Variants in RFTN1 observed in about 807,000 individuals in gnomAD.
RFTN1 encodes the protein raftlin, lipid raft linker 1, also known as raftlin.
Under a neutral mutation model 46.5 loss-of-function variants are expected in RFTN1, and 26 were observed. That is an observed-to-expected ratio of 0.56 (90% CI 0.41 to 0.78). The LOEUF (loss-of-function observed/expected upper bound fraction) is 0.78, where lower values mean the gene tolerates loss of function less well. Among genes scored for constraint, RFTN1 ranks in the 30% least tolerant of loss-of-function variants. The pLI is 0.00. For synonymous variants in RFTN1, 261 were observed against 284.2 expected (o/e 0.92, Z 0.82); for missense variants, 693 against 718.7 (o/e 0.96, Z 0.41).
Position 16,334,034 on chromosome 3 carries a change from G to A in RFTN1, c.1147-7158C>T, listed in dbSNP as rs374826372. 2.5e-4 allele frequency among the ~76,000 whole-genome samples: 38 copies of A among 152,128 alleles called. 2 individuals carry two copies. The highest frequency in any genetic ancestry group is 3.9e-4 in the East Asian group (2 of 5,162). ...TAAAAAATTAGCCGGGCATGGTGGC[G>A]GGTGCCTGTAGTCCCAGCTACTTGG... On this transcript the variant is annotated intron_variant, in intron 7 of 9. Transcript: ENST00000334133. This position sits in a 1 kb window ranked among gnomAD's most constrained non-coding sequence, Gnocchi z 4.3.
chr3:16,420,113 G>A (rs538816431), intron 3 of RFTN1, among the ~76,000 whole-genome samples: 191 of 152,286 alleles, frequency 1.3e-3, no homozygotes, highest in African/African-American at 4.4e-3. Flanking sequence ...TGCACTACAA[G>A]GAGTGCACTG....
At chr3:16,445,483 T>TCTCTCACACACACA (rs1352210263) in intron 2 of RFTN1, among the ~76,000 whole-genome samples, 45 of 126,856 alleles carry the variant, frequency 3.5e-4, no homozygotes, top group African/African-American at 1.2e-3. Flanking sequence ...TCTCTCTCTC[T>TCTCTCACACACACA]CACACACACA....
rs1167199092 is a variant in RFTN1, at chr3:16,345,690, C to T, written c.1146+12242G>A. Among the ~76,000 whole-genome samples the T allele has an allele frequency of 6.6e-6, 1 of 152,242 alleles. No homozygotes were observed. The highest frequency in any genetic ancestry group is 3.4e-3 in the Middle Eastern group (1 of 294). ...GCTGCTAGCTCTCAGGCCTCTGAAC[C>T]ATACCACTGGCTTTCCTGGGTCTCC... On this transcript the variant is annotated intron_variant, in intron 7 of 9. Coordinates refer to ENST00000334133, the MANE Select transcript of RFTN1 (RefSeq NM_015150.2). This position sits in a 1 kb window ranked among gnomAD's most constrained non-coding sequence, Gnocchi z 5.2.
intron 2 of RFTN1, among the ~76,000 whole-genome samples, chr3:16,437,138 G>A (rs1453971936): frequency 6.6e-6 from 1 of 152,088 alleles, no homozygotes; most frequent in Non-Finnish European, 1.5e-5. Context: ...TATTTATCAG[G>A]TTTATTCCTA....
At chr3:16,403,576 ATAT>A (rs1193156301) in intron 4 of RFTN1, among the ~76,000 whole-genome samples, 7 of 102,490 alleles carry the variant, frequency 6.8e-5, no homozygotes, top group African/African-American at 2.7e-4. Context: ...ACACACACAT[ATAT>A]TATATTTTAT....
chr3:16,350,492 CTTTT>C (rs11324617), intron 7 of RFTN1, among the ~76,000 whole-genome samples: 1 of 146,562 alleles, frequency 6.8e-6, no homozygotes, highest in African/African-American at 2.5e-5. Flanking sequence ...AGATGAATCA[CTTTT>C]TTTTTTTTTT....
In RFTN1 at chr3:16,370,264, G is replaced by A. The variant is rs1314955043; in HGVS notation, c.842C>T (p.Thr281Ile). The part of the protein sequence containing the change: ...EPLSGKMEIF[T>I]LFNKPKSHQK... ...ATGGCTCTTCGGTTTGTTGAAAAGG[G>A]TGAAGATCTCCATTTCTGTTGGGAT... is the stretch of plus-strand genomic sequence containing the variant. Residue 281 changes from threonine (T) to isoleucine (I), a missense_variant, in exon 6 of 10, where the codon ACC becomes ATC. Transcript: ENST00000334133. This position sits in a 1 kb window ranked among gnomAD's most constrained non-coding sequence, Gnocchi z 5.5. 6.2e-7 allele frequency: 1 copy of A among 1,614,190 alleles called. No homozygotes were observed. Among genetic ancestry groups the A allele is most frequent in the East Asian group, 2.2e-5 (1 of 44,894 alleles).
chr3:16,400,247 C>G lies in RFTN1; in HGVS notation c.441+9128G>C, dbSNP rs780520308. On this transcript the variant is annotated intron_variant, in intron 4 of 9. Coordinates refer to ENST00000334133, the MANE Select transcript of RFTN1 (RefSeq NM_015150.2). The surrounding 1 kb of genome is among the most constrained non-coding windows in gnomAD (Gnocchi z 4.5). Reference sequence around the variant, plus strand: ...AGACAGTGAACTCCCTTCTGCTCCTCAAACCAAACTTACTCCCTCCCACCT... The same window carrying G: ...AGACAGTGAACTCCCTTCTGCTCCTGAAACCAAACTTACTCCCTCCCACCT... 6.6e-6 allele frequency among the ~76,000 whole-genome samples: 1 copy of G among 152,196 alleles called. No homozygotes were observed. The highest frequency in any genetic ancestry group is 1.5e-5 in the Non-Finnish European group (1 of 68,024).
intron 6 of RFTN1, among the ~76,000 whole-genome samples, chr3:16,359,195 G>A (rs889286339): frequency 1.3e-5 from 2 of 152,222 alleles, no homozygotes; most frequent in East Asian, 3.9e-4. Context: ...AGAAGCAAGT[G>A]GTTTGAAGCT....
Position 16,493,826 on chromosome 3 carries a change from C to T in RFTN1, c.44G>A (p.Arg15Gln), listed in dbSNP as rs745419999. The T allele has an allele frequency of 8.7e-6, 14 of 1,614,038 alleles. No homozygotes were observed. The highest frequency in any genetic ancestry group is 2.2e-5 in the East Asian group (1 of 44,888). Reference protein sequence around the residue: ...LNKLEKRDEKRPGNIYSTLKR... With the variant: ...LNKLEKRDEKQPGNIYSTLKR... Reference sequence around the variant, plus strand: ...CAAAGTTGAATAAATATTCCCAGGCCGTTTTTCATCACGTTTCTCTAACTT... The same window carrying T: ...CAAAGTTGAATAAATATTCCCAGGCTGTTTTTCATCACGTTTCTCTAACTT... The change falls in exon 2 of 10, where the codon CGG (arginine) becomes CAG (glutamine). Residue 15 changes from arginine to glutamine, a missense_variant. By Grantham distance (43) the Arg-to-Gln change is conservative. Transcript: ENST00000334133.
rs983514352 is a variant in RFTN1 at position 16,361,065 on chromosome 3, C to T, written c.1031-3018G>A. Among the ~76,000 whole-genome samples the T allele has an allele frequency of 2.0e-5, 3 of 152,190 alleles. No individual in the cohort carries two copies. Among genetic ancestry groups the T allele is most frequent in the African/African-American group, 7.2e-5 (3 of 41,440 alleles). On this transcript the variant is annotated intron_variant, in intron 6 of 9. Coordinates refer to ENST00000334133, the MANE Select transcript of RFTN1 (RefSeq NM_015150.2). The surrounding 1 kb of genome is among the most constrained non-coding windows in gnomAD (Gnocchi z 4.3). ...TACAGGTATAACACAAGTAAATGGA[C>T]AACACAAATGACAAAGAATTTCCTT...
chr3:16,374,112 C>G lies in RFTN1; in HGVS notation c.826+3606G>C, dbSNP rs1173013366. On this transcript the variant is annotated intron_variant, in intron 5 of 9. Coordinates refer to ENST00000334133, the MANE Select transcript of RFTN1 (RefSeq NM_015150.2). The surrounding 1 kb of genome is among the most constrained non-coding windows in gnomAD (Gnocchi z 5.4). ...GGCATGTGTCCCATATTTACAAGGG[C>G]CTTTCACCTTCACCATCTCATGTGA... 6.6e-6 allele frequency among the ~76,000 whole-genome samples: 1 copy of G among 152,148 alleles called. No homozygotes were observed. The highest frequency in any genetic ancestry group is 2.4e-5 in the African/African-American group (1 of 41,420).
intron 4 of RFTN1, among the ~76,000 whole-genome samples, chr3:16,394,197 C>T (rs1337617829): frequency 1.3e-5 from 2 of 151,686 alleles, no homozygotes; most frequent in Non-Finnish European, 2.9e-5. Flanking sequence ...CATAGCATGA[C>T]CCCATCTCTA....
Position 16,322,775 on chromosome 3 carries a change from A to C in RFTN1, c.1332+601T>G, listed in dbSNP as rs1299124826. On this transcript the variant is annotated intron_variant, in intron 9 of 9. Transcript: ENST00000334133. The surrounding 1 kb of genome is among the most constrained non-coding windows in gnomAD (Gnocchi z 6.2). ...GTCTCTGTGCGACTGTTTCTAGGGT[A>C]GTTCAGAGTCCGGAGAGGGGGAAAA... is the stretch of plus-strand genomic sequence containing the variant. 6.6e-6 allele frequency among the ~76,000 whole-genome samples: 1 copy of C among 152,164 alleles called. No homozygotes were observed. The highest frequency in any genetic ancestry group is 1.5e-5 in the Non-Finnish European group (1 of 68,032).
Position 16,424,599 on chromosome 3 carries a change from C to T in RFTN1, c.332+9252G>A, listed in dbSNP as rs888200863. Among the ~76,000 whole-genome samples the T allele has an allele frequency of 6.6e-6, 1 of 152,138 alleles. No homozygotes were observed. Among genetic ancestry groups the T allele is most frequent in the Non-Finnish European group, 1.5e-5 (1 of 68,026 alleles). Reference sequence around the variant, plus strand: ...TCTTTGTAGCCATTTTAAGTTCCAACTCATGGTCGATGATAGGAAGTGAAT... The same window carrying T: ...TCTTTGTAGCCATTTTAAGTTCCAATTCATGGTCGATGATAGGAAGTGAAT... On this transcript the variant is annotated intron_variant, in intron 3 of 9. Transcript: ENST00000334133. The surrounding 1 kb of genome is among the most constrained non-coding windows in gnomAD (Gnocchi z 4.7).
At chr3:16,404,185 A>T (rs184128650) in intron 4 of RFTN1, among the ~76,000 whole-genome samples, 3,330 of 4,694 alleles carry the variant, frequency 0.71, 1,027 homozygotes, top group African/African-American at 0.77. Flanking sequence ...TTTATATATA[A>T]TATATAATAT....
chr3:16,370,108 A>G lies in RFTN1; in HGVS notation c.998T>C (p.Val333Ala), dbSNP rs1225849060. 3 of 1,614,234 alleles carry G rather than the reference A, an allele frequency of 1.9e-6. No individual in the cohort carries two copies. The highest frequency in any genetic ancestry group is 1.7e-5 in the Admixed American group (1 of 60,030). Residue 333 changes from valine (V) to alanine (A), a missense_variant, in exon 6 of 10, where the codon GTG (valine) becomes GCG (alanine). Coordinates refer to ENST00000334133, the MANE Select transcript of RFTN1 (RefSeq NM_015150.2). This position sits in a 1 kb window ranked among gnomAD's most constrained non-coding sequence, Gnocchi z 5.5. ...SDHFRKGGML[V>A]NAVFYLGIVN... ...TATTCCAAGGTAGAAGACTGCGTTC[A>G]CCAGCATGCCTCCTTTCCGGAAGTG...
At position 16,351,888 on chromosome 3, in the gene RFTN1, A is replaced by T. The variant is rs1179168856; in HGVS notation, c.1146+6044T>A. ...AGGGGACTAGAAAGACTAGAAAAAA[A>T]AATCATGAAAACATGGATTCTGCAG... On this transcript the variant is annotated intron_variant, in intron 7 of 9. Transcript: ENST00000334133. The surrounding 1 kb of genome is among the most constrained non-coding windows in gnomAD (Gnocchi z 5.4). Among the ~76,000 whole-genome samples, 4 of 152,194 alleles carry T rather than the reference A, an allele frequency of 2.6e-5. No homozygotes were observed. The highest frequency in any genetic ancestry group is 5.9e-5 in the Non-Finnish European group (4 of 68,030).
At chr3:16,326,626 TCTG>T (rs1463968037) in intron 8 of RFTN1, 144 bp downstream of exon 8, 2 of 628,322 alleles carry the variant, frequency 3.2e-6, no homozygotes, top group Admixed American at 2.9e-5. Flanking sequence ...AAATTCTGGC[TCTG>T]CTGCTTCCCA....
Sources: gnomAD v4.1 joint callset for allele counts (sites outside exome capture counted in the v4.1 genomes callset) on GRCh38, gnomAD v4.1.1 for gene constraint, Gnocchi (gnomAD v3.1) non-coding constraint, MANE v1.5 for transcripts, NCBI Gene and HGNC (gene_info 2026-07-23, HGNC 2026-07-21) for gene names.